ARHGAP5: variants seen among roughly 807,000 people sequenced by gnomAD.
The protein encoded by ARHGAP5 is rho GTPase-activating protein 5.
A neutral mutation model predicts 116.6 loss-of-function variants in ARHGAP5; 23 were observed. The observed-to-expected ratio is 0.20, with a 90% CI of 0.14 to 0.28. The LOEUF is 0.28. Ranked by LOEUF, ARHGAP5 falls within the 10% of genes least tolerant of loss-of-function variation. The probability of loss-of-function intolerance (pLI) is 1.00; values close to 1 mark genes in which losing one functional copy is unlikely to be tolerated. For missense variants in ARHGAP5, 1,405 were observed against 1,774.8 expected, an observed-to-expected ratio of 0.79 and a Z score of 3.74; for synonymous variants, 574 against 602.0, an observed-to-expected ratio of 0.95 and a Z score of 0.68.
At chr14:32,090,212 A>G (rs891842050) in intron 1 of ARHGAP5, among the ~76,000 whole-genome samples, 6 of 152,018 alleles carry the variant, frequency 3.9e-5, no homozygotes, top group Non-Finnish European at 1.5e-5. Flanking sequence ...TGTTTCTTCA[A>G]ACTCATAGGA....
Position 32,159,657 on chromosome 14 carries a change from G to A in ARHGAP5, c.*4709G>A, listed in dbSNP as rs1882028911. ...ACTATTTTACCAGCTTTAACTTTGG[G>A]GCTCTTAGTTTCTTTTCTCCAGATT... On this transcript the variant is annotated 3_prime_UTR_variant, in exon 7 of 7. Coordinates refer to ENST00000345122, the MANE Select transcript of ARHGAP5 (RefSeq NM_001030055.2). 1 of 151,758 alleles carries A rather than the reference G, an allele frequency of 6.6e-6. No homozygotes were observed. The highest frequency in any genetic ancestry group is 2.4e-5 in the African/African-American group (1 of 41,290). 9.4% of individuals were successfully genotyped at this position (151,758 alleles called of 1,614,324 possible).
rs139380155 is a variant in ARHGAP5, at chr14:32,112,707, C to T, written c.3718-4433C>T. ...CTAACGTGGTGAAACCCTGTCTCTA[C>T]TAAGAATACAAAAAAATAGCCGGGC... On this transcript the variant is annotated intron_variant, in intron 2 of 6. Transcript: ENST00000345122. Among the ~76,000 whole-genome samples, 13 of 152,150 alleles carry T rather than the reference C, an allele frequency of 8.5e-5. No individual in the cohort carries two copies. The East Asian group carries it at 2.1e-3, about 25-fold the overall frequency.
At position 32,158,278 on chromosome 14, in the gene ARHGAP5, G is replaced by A. The variant is rs1881984220; in HGVS notation, c.*3330G>A. The A allele has an allele frequency of 6.6e-6, 1 of 151,668 alleles. No individual in the cohort carries two copies. Among genetic ancestry groups the A allele is most frequent in the Admixed American group, 6.6e-5 (1 of 15,230 alleles). 9.4% of individuals were successfully genotyped at this position (151,668 alleles called of 1,614,324 possible). ...GGAGATGTATTATTGAATTTTCACTGTACCTGAAAAGGAGATTCAAAATTT... is the reference window on the plus strand; with the variant it reads ...GGAGATGTATTATTGAATTTTCACTATACCTGAAAAGGAGATTCAAAATTT... On this transcript the variant is annotated 3_prime_UTR_variant, in exon 7 of 7. Transcript: ENST00000345122.
At chr14:32,098,025 C>G (rs997875267) in intron 2 of ARHGAP5, among the ~76,000 whole-genome samples, 17 of 152,134 alleles carry the variant, frequency 1.1e-4, no homozygotes, top group African/African-American at 3.9e-4. Flanking sequence ...ATAGAGAAGT[C>G]ACTGTTCTTC....
chr14:32,139,794 T>A (rs911410962), intron 3 of ARHGAP5, among the ~76,000 whole-genome samples: 2 of 151,424 alleles, frequency 1.3e-5, no homozygotes, highest in African/African-American at 4.8e-5. Flanking sequence ...GGAATCTTTT[T>A]AAATCAAGGT....
chr14:32,124,429 C>T (rs1405665336), intron 3 of ARHGAP5, among the ~76,000 whole-genome samples: 1 of 152,016 alleles, frequency 6.6e-6, no homozygotes, highest in East Asian at 1.9e-4. Context: ...TGCTAGGTTC[C>T]AGTTGGGAAA....
At chr14:32,128,339 G>A (rs1047591293) in intron 3 of ARHGAP5, among the ~76,000 whole-genome samples, 26 of 152,262 alleles carry the variant, frequency 1.7e-4, no homozygotes, top group Admixed American at 1.7e-3. Flanking sequence ...CGGCTGGGAG[G>A]TGGAGGTTGT....
chr14:32,154,418 C>G (rs922080982), intron 6 of ARHGAP5: 2 of 506,904 alleles, frequency 3.9e-6, no homozygotes, highest in Non-Finnish European at 7.0e-6. Flanking sequence ...CAAAGTGCTG[C>G]GATTACAGGC....
intron 1 of ARHGAP5, among the ~76,000 whole-genome samples, chr14:32,084,256 C>T (rs938474365): frequency 6.6e-6 from 1 of 152,090 alleles, no homozygotes; most frequent in African/African-American, 2.4e-5. Context: ...ACCTTTGCTG[C>T]GTGGGTTTGC....
intron 2 of ARHGAP5, among the ~76,000 whole-genome samples, chr14:32,115,520 G>A (rs991514204): frequency 6.6e-6 from 1 of 151,574 alleles, no homozygotes; most frequent in South Asian, 2.1e-4. Flanking sequence ...AAAAAAATTA[G>A]CCGGGCGTGG....
At chr14:32,145,238 G>T (rs1205736884) in intron 3 of ARHGAP5, among the ~76,000 whole-genome samples, 3 of 152,110 alleles carry the variant, frequency 2.0e-5, no homozygotes, top group Non-Finnish European at 2.9e-5. Context: ...TTAGGCTCTC[G>T]ACTCAGCCTC....
rs377565912 is a variant in ARHGAP5 at position 32,091,011 on chromosome 14, A to C, written c.342A>C (p.Pro114=). 1.5e-5 allele frequency: 25 copies of C among 1,613,576 alleles called. No homozygotes were observed. The African/African-American group carries it at 2.3e-4, about 15-fold the overall frequency. Reference sequence around the variant, plus strand: ...CTCATCGGAGTACGAATTTGCAACCATATATAAAACGTGCAGCTGCATCTA... The same window carrying C: ...CTCATCGGAGTACGAATTTGCAACCCTATATAAAACGTGCAGCTGCATCTA... ...FLPHRSTNLQ[P]YIKRAAASKL... Residue 114 remains proline, a synonymous_variant, in exon 2 of 7, where the codon CCA becomes CCC. Transcript: ENST00000345122.
At chr14:32,101,466 T>C (rs1314831658) in intron 2 of ARHGAP5, among the ~76,000 whole-genome samples, 1 of 152,152 alleles carries the variant, frequency 6.6e-6, no homozygotes, top group African/African-American at 2.4e-5. Flanking sequence ...ATTCCAGTTA[T>C]AAAAGTAATG....
chr14:32,102,171 T>TG (rs1878821466), intron 2 of ARHGAP5, among the ~76,000 whole-genome samples: 3 of 152,244 alleles, frequency 2.0e-5, no homozygotes, highest in Non-Finnish European at 2.9e-5. Flanking sequence ...GAATATTCAT[T>TG]TTATCCATTG....
intron 2 of ARHGAP5, among the ~76,000 whole-genome samples, chr14:32,095,782 T>C (rs1878498421): frequency 6.6e-6 from 1 of 152,224 alleles, no homozygotes; most frequent in African/African-American, 2.4e-5. Flanking sequence ...GCTACTCTCT[T>C]GCATCTCTTC....
At chr14:32,129,661 T>G (rs1566676865) in intron 3 of ARHGAP5, among the ~76,000 whole-genome samples, 1 of 152,228 alleles carries the variant, frequency 6.6e-6, no homozygotes, top group Non-Finnish European at 1.5e-5. Flanking sequence ...TCCCACTTTT[T>G]TTTTTTTAAT....
At chr14:32,138,631 A>C (rs1202353692) in intron 3 of ARHGAP5, among the ~76,000 whole-genome samples, 1 of 152,126 alleles carries the variant, frequency 6.6e-6, no homozygotes, top group East Asian at 1.9e-4. Context: ...TTCTGCATGT[A>C]AGTCATGTCA....
Position 32,093,668 on chromosome 14 carries a change from T to C in ARHGAP5, c.2999T>C (p.Leu1000Ser). The C allele has an allele frequency of 6.2e-7, 1 of 1,614,030 alleles. No individual in the cohort carries two copies. ...PYSPIGDDVQ[L>S]LPTPSDRSRY... ...AGTCCAATTGGGGATGATGTACAGT[T>C]GCTTCCAACACCTAGTGACCGTTCC... Residue 1000 changes from leucine (L) to serine (S), a missense_variant, in exon 2 of 7, where the codon TTG becomes TCG. Transcript: ENST00000345122.
chr14:32,082,211 C>T (rs1242060955), intron 1 of ARHGAP5, among the ~76,000 whole-genome samples: 1 of 152,184 alleles, frequency 6.6e-6, no homozygotes, highest in Non-Finnish European at 1.5e-5. Flanking sequence ...AATTTAAGAT[C>T]TAGATTTCTA....
Sources: allele counts gnomAD v4.1 joint callset (sites outside exome capture counted in the v4.1 genomes callset), GRCh38; gene constraint gnomAD v4.1.1; transcripts MANE v1.5; gene names NCBI Gene and HGNC (gene_info 2026-07-23, HGNC 2026-07-21).